The following EPB41 variants were observed in gnomAD, a reference collection of about 807,000 sequenced individuals.
EPB41 encodes erythrocyte membrane protein band 4.1.
A neutral mutation model predicts 108.0 loss-of-function variants in EPB41; 65 were observed. The observed-to-expected ratio is 0.60, with a 90% CI of 0.49 to 0.74. The LOEUF is 0.74. Among genes scored for constraint, EPB41 ranks in the 30% least tolerant of loss-of-function variants. The pLI, the probability that EPB41 is intolerant of heterozygous loss-of-function variation, is 0.00. For synonymous variants in EPB41, 336 were observed against 358.9 expected, an observed-to-expected ratio of 0.94 and a Z score of 0.72; for missense variants, 875 against 1,037.0, an observed-to-expected ratio of 0.84 and a Z score of 2.15.
intron 16 of EPB41, among the ~76,000 whole-genome samples, chr1:29,085,974 T>C (rs1416048495): frequency 6.6e-6 from 1 of 152,220 alleles, no homozygotes; most frequent in Non-Finnish European, 1.5e-5. Context: ...CTAACTACTT[T>C]TTTCTTTTAG....
chr1:28,991,349 G>T (rs916282704), intron 2 of EPB41, among the ~76,000 whole-genome samples: 1 of 152,012 alleles, frequency 6.6e-6, no homozygotes, highest in African/African-American at 2.4e-5. Flanking sequence ...ATGTGTGCCA[G>T]GCCCTAGGCT....
chr1:28,987,947 G>T, intron 2 of EPB41, 42 bp downstream of exon 2: 3 of 1,589,598 alleles, frequency 1.9e-6, no homozygotes, highest in Non-Finnish European at 2.6e-6. Flanking sequence ...AGGAAGGCAG[G>T]TTATACACTT....
intron 1 of EPB41, among the ~76,000 whole-genome samples, chr1:28,936,041 C>CT (rs1377883300): frequency 1.3e-5 from 2 of 152,100 alleles, no homozygotes; most frequent in African/African-American, 4.8e-5. Context: ...TCATATCCTT[C>CT]TTACGCTGTT....
intron 12 of EPB41, chr1:29,053,866 T>C (rs1644929667): frequency 6.5e-6 from 1 of 153,768 alleles, no homozygotes; most frequent in Admixed American, 6.4e-5. Flanking sequence ...GCCCCAACTA[T>C]TATTTTTTTA....
At chr1:29,072,302 T>C (rs1156333772) in intron 16 of EPB41, 2 of 152,180 alleles carry the variant, frequency 1.3e-5, no homozygotes, top group African/African-American at 2.4e-5. Flanking sequence ...CTCTCTTTTA[T>C]CTGGGAAATA....
intron 16 of EPB41, among the ~76,000 whole-genome samples, chr1:29,076,715 C>T (rs1278661301): frequency 6.6e-6 from 1 of 152,086 alleles, no homozygotes; most frequent in Non-Finnish European, 1.5e-5. Context: ...TCTTTTGTGC[C>T]TTTCTCCTCA....
chr1:29,040,520 A>G (rs1385810376), intron 11 of EPB41, among the ~76,000 whole-genome samples: 1 of 152,090 alleles, frequency 6.6e-6, no homozygotes, highest in Non-Finnish European at 1.5e-5. Flanking sequence ...ACCTCAGGTT[A>G]TCTACCCACC....
intron 11 of EPB41, among the ~76,000 whole-genome samples, chr1:29,044,490 GATGT>G (rs919115190): frequency 7.2e-5 from 11 of 151,950 alleles, no homozygotes; most frequent in Admixed American, 2.6e-4. Context: ...TTTTTTTTAA[GATGT>G]ATGGTCTTAA....
upstream of EPB41, chr1:28,887,150 A>G: frequency 9.3e-7 from 1 of 1,078,212 alleles, no homozygotes; most frequent in Non-Finnish European, 1.3e-6. This position sits in a 1 kb window ranked among gnomAD's most constrained non-coding sequence, Gnocchi z 4.9. Flanking sequence ...AACCTCTTAA[A>G]GGGCGAGAGC....
At chr1:29,023,646 C>T (rs1461901678) in intron 7 of EPB41, among the ~76,000 whole-genome samples, 1 of 151,684 alleles carries the variant, frequency 6.6e-6, no homozygotes, top group Non-Finnish European at 1.5e-5. Flanking sequence ...GAGATCATGC[C>T]ATTGTACTCC....
chr1:28,986,659 G>T (rs1317069560), intron 1 of EPB41, among the ~76,000 whole-genome samples: 3 of 152,132 alleles, frequency 2.0e-5, no homozygotes, highest in African/African-American at 7.2e-5. Flanking sequence ...GCCGGGTGCG[G>T]TAGTTCACGC....
intron 1 of EPB41, among the ~76,000 whole-genome samples, chr1:28,916,072 A>G (rs2092639242): frequency 6.6e-6 from 1 of 152,034 alleles, no homozygotes; most frequent in South Asian, 2.1e-4. Context: ...TTTTCTGTAA[A>G]TTGAAAGTGT....
chr1:29,076,771 G>C (rs951271831), intron 16 of EPB41, among the ~76,000 whole-genome samples: 1 of 152,124 alleles, frequency 6.6e-6, no homozygotes, highest in Non-Finnish European at 1.5e-5. Flanking sequence ...GGCCAAGCAC[G>C]GTGGCTCATG....
At chr1:29,096,250 A>G (rs1345580752) in intron 16 of EPB41, 1 of 985,864 alleles carries the variant, frequency 1.0e-6, no homozygotes, top group African/African-American at 1.7e-5. Flanking sequence ...AGCATTCGGT[A>G]GTTCCTAGTA....
intron 12 of EPB41, 38 bp from the exon 13 acceptor site, chr1:29,058,550 AC>A: frequency 2.5e-6 from 4 of 1,580,194 alleles, no homozygotes; most frequent in Non-Finnish European, 3.5e-6. Flanking sequence ...AAACCTACTA[AC>A]CTAAAATGTT....
intron 11 of EPB41, among the ~76,000 whole-genome samples, chr1:29,052,345 A>G (rs1304146789): frequency 6.6e-6 from 1 of 152,168 alleles, no homozygotes; most frequent in Non-Finnish European, 1.5e-5. Context: ...TCTGGGGACA[A>G]TTTACTCCAG....
chr1:28,944,534 G>GTTTTTTTTTTT (rs55849161), intron 1 of EPB41, among the ~76,000 whole-genome samples: 14 of 97,422 alleles, frequency 1.4e-4, no homozygotes, highest in Non-Finnish European at 2.4e-4. Flanking sequence ...CTCAGATCTG[G>GTTTTTTTTTTT]TTTTTTTTTT....
intron 15 of EPB41, among the ~76,000 whole-genome samples, chr1:29,061,247 C>T (rs1336406568): frequency 6.6e-6 from 1 of 151,806 alleles, no homozygotes; most frequent in Non-Finnish European, 1.5e-5. Flanking sequence ...CAACATTGGT[C>T]ATATATATAT....
At chr1:29,036,643 C>T (rs978068403) in intron 10 of EPB41, among the ~76,000 whole-genome samples, 54 of 148,550 alleles carry the variant, frequency 3.6e-4, no homozygotes, top group African/African-American at 1.3e-3. Context: ...TTTTGTGGAG[C>T]TTTTATACTA....
Sources: allele counts gnomAD v4.1 joint callset (sites outside exome capture counted in the v4.1 genomes callset), GRCh38; gene constraint gnomAD v4.1.1; non-coding constraint Gnocchi (gnomAD v3.1); transcripts MANE v1.5; gene names NCBI Gene and HGNC (gene_info 2026-07-23, HGNC 2026-07-21).